The following HNRNPA1 variants were observed in gnomAD, a reference collection of about 807,000 sequenced individuals.
The protein encoded by HNRNPA1 is heterogeneous nuclear ribonucleoprotein A1.
Under a neutral mutation model 44.4 loss-of-function variants are expected in HNRNPA1, and 7 were observed. The observed-to-expected ratio is 0.16, with a 90% CI of 0.09 to 0.30. The LOEUF (loss-of-function observed/expected upper bound fraction) is 0.30. Among genes scored for constraint, HNRNPA1 ranks in the 10% least tolerant of loss-of-function variants. The pLI, the probability that HNRNPA1 is intolerant of heterozygous loss-of-function variation, is 1.00. For missense variants in HNRNPA1, 193 were observed against 465.8 expected (o/e 0.41, Z 5.39); for synonymous variants, 169 against 160.6 (o/e 1.05, Z -0.40).
In HNRNPA1 at chr12:54,282,776, AAAACTTG is replaced by A; in HGVS notation, c.677-17_677-11del. On this transcript the variant is annotated splice_polypyrimidine_tract_variant and intron_variant, in intron 6 of 10. Transcript: ENST00000340913. ...GTCACTTTAAGTCCAAGTCATACTT[AAAACTTG>A]AAACTTTTTCTTACAGGTGGCTTTG... 3.2e-6 allele frequency: 5 copies of A among 1,563,230 alleles called. No individual in the cohort carries two copies. Among genetic ancestry groups the A allele is most frequent in the South Asian group, 1.2e-5 (1 of 85,416 alleles).
chr12:54,280,986 T>C lies in HNRNPA1; in HGVS notation c.15+164T>C, dbSNP rs774875208. 5.1e-6 allele frequency: 4 copies of C among 778,850 alleles called. No individual in the cohort carries two copies. The African/African-American group carries it at 6.8e-5, about 13-fold the overall frequency. The allele number at this position is 778,850 out of a possible 1,614,324, so 48.2% of individuals were successfully genotyped here. ...TCAAGTCGCCATTTTGTCCTCTTGA[T>C]CGCCATGAGGCCGCTCTCCGCCAAC... On this transcript the variant is annotated intron_variant, in intron 1 of 10. Transcript: ENST00000340913.
In HNRNPA1 at chr12:54,283,963, C is replaced by T. The variant is rs1565881678; in HGVS notation, c.1059C>T (p.Asn353=). The stretch of plus-strand genomic sequence containing the variant: ...GCCAATACTTTGCAAAACCACGAAA[C>T]CAAGGTATGGTATCTATGTAATTTT... ...GGGQYFAKPR[N]QGGYGGSSSS... The change falls in exon 9 of 11, where the codon AAC becomes AAT. Residue 353 remains asparagine (N), a synonymous_variant. Transcript: ENST00000340913. 2 of 1,605,444 alleles carry T rather than the reference C, an allele frequency of 1.2e-6. No individual in the cohort carries two copies. Among genetic ancestry groups the T allele is most frequent in the South Asian group, 2.2e-5 (2 of 91,082 alleles).
chr12:54,282,513 A>C (rs1486844805), intron 5 of HNRNPA1, 27 bp downstream of exon 5: 2 of 1,610,502 alleles, frequency 1.2e-6, no homozygotes, highest in Non-Finnish European at 1.7e-6. Flanking sequence ...ATTAAACCTT[A>C]AAGGTAACTT....
rs1445414135 is a variant in HNRNPA1 at position 54,281,431 on chromosome 12, T to C, written c.61T>C (p.Leu21=). 3.7e-6 allele frequency: 6 copies of C among 1,611,124 alleles called. No individual in the cohort carries two copies. The highest frequency in any genetic ancestry group is 1.1e-5 in the South Asian group (1 of 90,882). Residue 21 remains leucine (L), a synonymous_variant, in exon 2 of 11, where the codon TTG becomes CTG. Transcript: ENST00000340913. ...GCTGAGGAAGCTCTTCATTGGAGGG[T>C]TGAGCTTTGAAACAACTGATGAGAG... ...EQLRKLFIGG[L]SFETTDESLR...
intron 10 of HNRNPA1, 68 bp from the exon 11 acceptor site, chr12:54,284,481 G>A: frequency 1.3e-6 from 1 of 747,224 alleles, no homozygotes; most frequent in East Asian, 2.7e-5. Flanking sequence ...AAACAAACTT[G>A]ATATTGGATT....
intron 3 of HNRNPA1, 60 bp downstream of exon 3, chr12:54,282,001 T>G: frequency 1.2e-6 from 2 of 1,602,858 alleles, no homozygotes; most frequent in Non-Finnish European, 8.5e-7. Context: ...TGCTATGGAC[T>G]TAAGATTCGG....
intron 10 of HNRNPA1, 77 bp downstream of exon 10, chr12:54,284,394 C>T (rs1592174279): frequency 8.2e-7 from 1 of 1,218,312 alleles, no homozygotes; most frequent in East Asian, 2.3e-5. Context: ...TGTAGCTGAG[C>T]AGTGCAACAT....
At chr12:54,281,761 G>C (rs773358391) in intron 2 of HNRNPA1, 34 bp from the exon 3 acceptor site, 2 of 1,594,842 alleles carry the variant, frequency 1.3e-6, no homozygotes, top group South Asian at 1.1e-5. Flanking sequence ...TTTGCGGTCA[G>C]ACTTTGTGTT....
Position 54,282,449 on chromosome 12 carries a change from A to G in HNRNPA1, c.546A>G (p.Ser182=), listed in dbSNP as rs200707918. 1,537 of 1,613,580 alleles carry G rather than the reference A, an allele frequency of 9.5e-4. 4 individuals are homozygous for G. The highest frequency in any genetic ancestry group is 4.6e-3 in the South Asian group (416 of 91,066). The change falls in exon 5 of 11, where the codon TCA becomes TCG. Residue 182 remains serine (S), a synonymous_variant. Coordinates refer to ENST00000340913, the MANE Select transcript of HNRNPA1 (RefSeq NM_031157.4). The part of the protein sequence containing the change: ...GHNCEVRKAL[S]KQEMASASSS... ...ACTGTGAAGTTAGAAAAGCCCTGTCAAAGCAAGAGATGGCTAGTGCTTCAT... is the reference window on the plus strand; with the variant it reads ...ACTGTGAAGTTAGAAAAGCCCTGTCGAAGCAAGAGATGGCTAGTGCTTCAT...
intron 8 of HNRNPA1, 96 bp downstream of exon 8, chr12:54,283,330 C>A: frequency 1.5e-6 from 2 of 1,370,422 alleles, no homozygotes; most frequent in Non-Finnish European, 2.0e-6. Context: ...TGGTACACTG[C>A]ATGGTATATT....
rs186449759 is a variant in HNRNPA1 at position 54,286,409 on chromosome 12, G to A, written c.*1865G>A. 6.6e-6 allele frequency: 1 copy of A among 152,306 alleles called. No individual in the cohort carries two copies. The allele number at this position is 152,306 out of a possible 1,614,324, so 9.4% of individuals were successfully genotyped here. On this transcript the variant is annotated 3_prime_UTR_variant, in exon 11 of 11. Transcript: ENST00000340913. ...AGCTGAACTTGGTTTTTCTGGAGAT[G>A]AATTGTTTTAAATTGACACCCTATT...
At chr12:54,283,459 G>A (rs1341330776) in intron 8 of HNRNPA1, among the ~76,000 whole-genome samples, 1 of 152,158 alleles carries the variant, frequency 6.6e-6, no homozygotes, top group East Asian at 1.9e-4. Context: ...ATCATAGAAG[G>A]ATTTAGTATT....
At chr12:54,282,736 A>C in intron 6 of HNRNPA1, 64 bp from the exon 7 acceptor site, 1 of 1,587,780 alleles carries the variant, frequency 6.3e-7, no homozygotes, top group Non-Finnish European at 8.6e-7. Context: ...ACAGTACGGG[A>C]ACTGCATTCA....
Position 54,283,239 on chromosome 12 carries a change from GTA to G in HNRNPA1, c.907+7_907+8del. On this transcript the variant is annotated splice_donor_region_variant and intron_variant, in intron 8 of 10. Coordinates refer to ENST00000340913, the MANE Select transcript of HNRNPA1 (RefSeq NM_031157.4). Reference sequence around the variant, plus strand: ...GCGGCTTTGGCGGTGGTAGTGGTAGGTATCCAGTGATCCAAGTACTTGGTGTG... The same window carrying G: ...GCGGCTTTGGCGGTGGTAGTGGTAGGTCCAGTGATCCAAGTACTTGGTGTG... 4 of 1,610,754 alleles carry G rather than the reference GTA, an allele frequency of 2.5e-6. No homozygotes were observed. The South Asian group carries it at 4.4e-5, about 18-fold the overall frequency.
chr12:54,284,109 T>C lies in HNRNPA1; in HGVS notation c.1063+142T>C. ...AGAAAGTGATAATTTGATCACAAAT[T>C]AGAAAAATCATGGGACCTCTTTACC... On this transcript the variant is annotated intron_variant, in intron 9 of 10. Transcript: ENST00000340913. 4.6e-6 allele frequency: 6 copies of C among 1,302,318 alleles called. No individual in the cohort carries two copies. The South Asian group carries it at 7.3e-5, about 16-fold the overall frequency. The allele number at this position is 1,302,318 out of a possible 1,614,324, so 80.7% of individuals were successfully genotyped here.
Position 54,284,146 on chromosome 12 carries a change from A to G in HNRNPA1, c.1064-112A>G, listed in dbSNP as rs116723833. The G allele has an allele frequency of 9.0e-4, 1,156 of 1,280,116 alleles. 10 individuals carry two copies. In the African/African-American group the frequency reaches 0.015, roughly 17 times the overall value. 79.3% of individuals were successfully genotyped at this position (1,280,116 alleles called of 1,614,324 possible). On this transcript the variant is annotated intron_variant, in intron 9 of 10. Transcript: ENST00000340913. ...GGGACCTCTTTACCACCTCCCTTGT[A>G]GTAGGGCCATTTTTAAATGGCCAGA...
rs1944252316 is a variant in HNRNPA1, at chr12:54,285,616, G to A, written c.*1072G>A. The stretch of plus-strand genomic sequence containing the variant: ...ACTAAATTTTTCTACATAATTTCAT[G>A]TTAACTGCAGTTTCCCTTTATGGCA... On this transcript the variant is annotated 3_prime_UTR_variant, in exon 11 of 11. Coordinates refer to ENST00000340913, the MANE Select transcript of HNRNPA1 (RefSeq NM_031157.4). The A allele has an allele frequency of 6.6e-6, 1 of 152,110 alleles. No homozygotes were observed. Among genetic ancestry groups the A allele is most frequent in the South Asian group, 2.1e-4 (1 of 4,836 alleles). The allele number at this position is 152,110 out of a possible 1,614,324, so 9.4% of individuals were successfully genotyped here. A position where few individuals can be genotyped will look rare whatever the true frequency, so the allele number is the denominator to read the frequency against.
rs1254855693 is a variant in HNRNPA1 at position 54,282,885 on chromosome 12, T to A, written c.751+11T>A. ...GATTTGGTAATGATGGTAAGTTTTTTAGGAATAAGTAGAGAAAAATTCCTG... is the reference window on the plus strand; with the variant it reads ...GATTTGGTAATGATGGTAAGTTTTTAAGGAATAAGTAGAGAAAAATTCCTG... On this transcript the variant is annotated intron_variant, in intron 7 of 10. Transcript: ENST00000340913. 1.3e-6 allele frequency: 2 copies of A among 1,545,048 alleles called. No homozygotes were observed. The highest frequency in any genetic ancestry group is 4.9e-5 in the East Asian group (2 of 40,884).
At chr12:54,281,269 G>GCGACCTGAA (rs1944163283) in intron 1 of HNRNPA1, 117 bp from the exon 2 acceptor site, 3 of 733,966 alleles carry the variant, frequency 4.1e-6, no homozygotes, top group Non-Finnish European at 2.5e-6. Context: ...GTGTCTTGTT[G>GCGACCTGAA]CGACCTGAAC....
Sources: allele counts gnomAD v4.1 joint callset (sites outside exome capture counted in the v4.1 genomes callset), GRCh38; gene constraint gnomAD v4.1.1; transcripts MANE v1.5; gene names NCBI Gene and HGNC (gene_info 2026-07-23, HGNC 2026-07-21).